Variants in ZNF385B observed in about 807,000 individuals in gnomAD.
ZNF385B encodes zinc finger protein 533.
ZNF385B carries 23 observed loss-of-function variants against 39.2 expected under a neutral mutation model. That is an observed-to-expected ratio of 0.59 (90% CI 0.42 to 0.83). The LOEUF is 0.83. ZNF385B is among the 40% of genes least tolerant of loss of function. ZNF385B has a pLI of 0.00. For synonymous variants in ZNF385B, 205 were observed against 222.6 expected (o/e 0.92, Z 0.70); for missense variants, 552 against 598.9 (o/e 0.92, Z 0.82).
At chr2:179,783,146 G>A (rs930643503) in intron 1 of ZNF385B, among the ~76,000 whole-genome samples, 96 of 152,188 alleles carry the variant, frequency 6.3e-4, no homozygotes, top group African/African-American at 1.9e-3. Flanking sequence ...TTTGACCAAT[G>A]GACCAGAATA....
intron 3 of ZNF385B, among the ~76,000 whole-genome samples, chr2:179,735,736 C>T (rs1026487620): frequency 6.6e-6 from 1 of 151,080 alleles, no homozygotes; most frequent in African/African-American, 2.4e-5. Context: ...TTTGTAGGGA[C>T]ATGGATGAAA....
chr2:179,650,109 C>G (rs1272267257), intron 3 of ZNF385B, among the ~76,000 whole-genome samples: 1 of 152,172 alleles, frequency 6.6e-6, no homozygotes, highest in African/African-American at 2.4e-5. Context: ...ATATACATAG[C>G]CAGTTCACAA....
chr2:179,776,946 C>A (rs1401095871), intron 1 of ZNF385B, among the ~76,000 whole-genome samples: 3 of 151,690 alleles, frequency 2.0e-5, no homozygotes, highest in Admixed American at 2.0e-4. Flanking sequence ...ATTGTAGATC[C>A]AAAGCCAATC....
chr2:179,691,409 T>C (rs1416781278), intron 3 of ZNF385B, among the ~76,000 whole-genome samples: 1 of 152,200 alleles, frequency 6.6e-6, no homozygotes, highest in Non-Finnish European at 1.5e-5. Context: ...TTGTTTATTA[T>C]GTTAAGCATC....
chr2:179,610,372 T>C (rs1689190209), intron 3 of ZNF385B, among the ~76,000 whole-genome samples: 1 of 152,166 alleles, frequency 6.6e-6, no homozygotes, highest in African/African-American at 2.4e-5. Flanking sequence ...ACAGACTTAA[T>C]GGATTTGTTT....
chr2:179,473,106 A>G (rs914030731), intron 6 of ZNF385B, among the ~76,000 whole-genome samples: 3 of 152,200 alleles, frequency 2.0e-5, no homozygotes, highest in Admixed American at 6.5e-5. Flanking sequence ...GGGACATAAC[A>G]GACGAGACAC....
At chr2:179,499,547 T>C (rs1458888276) in intron 5 of ZNF385B, among the ~76,000 whole-genome samples, 1 of 152,072 alleles carries the variant, frequency 6.6e-6, no homozygotes, top group Admixed American at 6.6e-5. Context: ...TAGAACTATA[T>C]GATCATTTCA....
chr2:179,497,629 C>T (rs867094771), intron 5 of ZNF385B, among the ~76,000 whole-genome samples: 21 of 149,886 alleles, frequency 1.4e-4, no homozygotes, highest in Middle Eastern at 3.5e-3. Context: ...TAGAGGAACA[C>T]AAAAAGGAAA....
intron 3 of ZNF385B, among the ~76,000 whole-genome samples, chr2:179,695,283 G>A (rs1698652606): frequency 6.6e-6 from 1 of 151,924 alleles, no homozygotes; most frequent in South Asian, 2.1e-4. Flanking sequence ...TTTGGTAAAG[G>A]ATTTTTAGAT....
intron 3 of ZNF385B, among the ~76,000 whole-genome samples, chr2:179,667,741 TAG>T (rs1204015396): frequency 6.8e-6 from 1 of 147,684 alleles, no homozygotes; most frequent in East Asian, 2.0e-4. Context: ...GAAAGGTCCC[TAG>T]AGAGAGGAGA....
At chr2:179,739,279 A>G (rs1012541454) in intron 3 of ZNF385B, among the ~76,000 whole-genome samples, 1 of 152,250 alleles carries the variant, frequency 6.6e-6, no homozygotes, top group Admixed American at 6.5e-5. Context: ...GGACAATGAT[A>G]ATATTTGCTG....
intron 3 of ZNF385B, among the ~76,000 whole-genome samples, chr2:179,611,284 A>G (rs904873552): frequency 2.0e-5 from 3 of 152,228 alleles, no homozygotes; most frequent in Non-Finnish European, 1.5e-5. Flanking sequence ...CTTTTTCAGC[A>G]TCAGTTGACA....
intron 3 of ZNF385B, among the ~76,000 whole-genome samples, chr2:179,565,220 C>A (rs974494749): frequency 6.6e-6 from 1 of 152,150 alleles, no homozygotes; most frequent in Non-Finnish European, 1.5e-5. Flanking sequence ...ATACTATACA[C>A]CTGTCTAAAT....
At chr2:179,860,701 GA>G in intron 1 of ZNF385B, 1 of 368,666 alleles carries the variant, frequency 2.7e-6, no homozygotes, top group Non-Finnish European at 5.8e-6. Flanking sequence ...GTCATTGAGA[GA>G]AAGACAAACC....
At chr2:179,546,250 T>G (rs1023718378) in intron 3 of ZNF385B, among the ~76,000 whole-genome samples, 2 of 152,026 alleles carry the variant, frequency 1.3e-5, no homozygotes, top group Non-Finnish European at 2.9e-5. Context: ...TTGCCCACGC[T>G]GGTCTCGAAC....
chr2:179,574,954 CT>C (rs910592394), intron 3 of ZNF385B, among the ~76,000 whole-genome samples: 3 of 152,104 alleles, frequency 2.0e-5, no homozygotes, highest in Non-Finnish European at 4.4e-5. Flanking sequence ...ATTGCTTTCT[CT>C]TTTTAGAACT....
chr2:179,493,215 A>G (rs985459501), intron 5 of ZNF385B, among the ~76,000 whole-genome samples: 1 of 152,072 alleles, frequency 6.6e-6, no homozygotes, highest in African/African-American at 2.4e-5. Context: ...TTTATTATGT[A>G]TCATGTAATA....
rs199744235 is a variant in ZNF385B, at chr2:179,483,352, A to G, written c.635T>C (p.Met212Thr). 282 of 1,613,822 alleles carry G rather than the reference A, an allele frequency of 1.7e-4. No homozygotes were observed. The highest frequency in any genetic ancestry group is 5.1e-5 in the Non-Finnish European group (60 of 1,179,934). The change falls in exon 6 of 10, where the codon ATG becomes ACG. Residue 212 changes from methionine (M) to threonine (T), a missense_variant. By Grantham distance (81) the Met-to-Thr change is moderately conservative. Transcript: ENST00000410066. ...ALDATKNKPK[M>T]VPSKDSAKAN... ...CTTTGCGCTGTCCTTGGAAGGAACC[A>G]TTTTGGGTTTATTTTTCGTTGCGTC...
chr2:179,805,619 C>T (rs916095666), intron 1 of ZNF385B, among the ~76,000 whole-genome samples: 1 of 152,100 alleles, frequency 6.6e-6, no homozygotes, highest in African/African-American at 2.4e-5. Flanking sequence ...ACCTAACTTG[C>T]CTGTGCCTCT....
Sources: gnomAD v4.1 joint callset for allele counts (sites outside exome capture counted in the v4.1 genomes callset) on GRCh38, gnomAD v4.1.1 for gene constraint, MANE v1.5 for transcripts, NCBI Gene and HGNC (gene_info 2026-07-23, HGNC 2026-07-21) for gene names.